BCL9: variants seen among roughly 807,000 people sequenced by gnomAD.
BCL9 encodes the protein B-cell CLL/lymphoma 9 protein.
Under a neutral mutation model 88.5 loss-of-function variants are expected in BCL9, and 25 were observed. That is an observed-to-expected ratio of 0.28 (90% CI 0.21 to 0.39). The LOEUF (loss-of-function observed/expected upper bound fraction) is 0.39. BCL9 is among the 10% of genes least tolerant of loss of function. BCL9 has a pLI of 1.00. For missense variants in BCL9, 1,817 were observed against 1,877.8 expected (o/e 0.97, Z 0.60); for synonymous variants, 711 against 673.3 (o/e 1.06, Z -0.87).
Position 147,624,146 on chromosome 1 carries a change from T to G in BCL9, c.3468T>G (p.Asn1156Lys), listed in dbSNP as rs1426428510. 1.9e-6 allele frequency: 3 copies of G among 1,594,574 alleles called. No individual in the cohort carries two copies. Among genetic ancestry groups the G allele is most frequent in the Non-Finnish European group, 1.7e-6 (2 of 1,168,706 alleles). ...CACAGCAGGTTCCATTCCCTCACAA[T>G]GGCCCCAGTGGGGGGCAGGGCAGCT... ...SPPQQVPFPH[N>K]GPSGGQGSFP... Residue 1156 changes from asparagine to lysine, a missense_variant, in exon 10 of 10, where the codon AAT becomes AAG. Coordinates refer to ENST00000234739, the MANE Select transcript of BCL9 (RefSeq NM_004326.4). This position sits in a 1 kb window ranked among gnomAD's most constrained non-coding sequence, Gnocchi z 4.4.
At chr1:147,562,431 C>T (rs1482041349) in intron 1 of BCL9, among the ~76,000 whole-genome samples, 5 of 152,118 alleles carry the variant, frequency 3.3e-5, no homozygotes, top group South Asian at 2.1e-4. Flanking sequence ...AGCCATTAAA[C>T]GTTCTTGAGC....
chr1:147,602,261 C>T (rs1657434602), intron 1 of BCL9, among the ~76,000 whole-genome samples: 1 of 149,332 alleles, frequency 6.7e-6, no homozygotes, highest in Admixed American at 6.7e-5. Flanking sequence ...GGCTGGAGTG[C>T]AGTGGCACGA....
Position 147,620,718 on chromosome 1 carries a change from G to T in BCL9, c.2563G>T (p.Val855Leu). 3 of 1,614,128 alleles carry T rather than the reference G, an allele frequency of 1.9e-6. No homozygotes were observed. The highest frequency in any genetic ancestry group is 2.5e-6 in the Non-Finnish European group (3 of 1,180,042). ...PLDISVAGSQ[V>L]HSPGINPLKS... ...GGATATATCTGTGGCAGGCAGCCAG[G>T]TGCATTCCCCAGGCATTAACCCTCT... Residue 855 changes from valine to leucine, a missense_variant, in exon 8 of 10, where the codon GTG (valine) becomes TTG (leucine). Transcript: ENST00000234739.
At chr1:147,595,581 G>A (rs1330448257) in intron 1 of BCL9, among the ~76,000 whole-genome samples, 1 of 152,190 alleles carries the variant, frequency 6.6e-6, no homozygotes, top group Non-Finnish European at 1.5e-5. Flanking sequence ...TGGGTTCACT[G>A]GTTTATGCCT....
chr1:147,599,751 T>A, intron 1 of BCL9, among the ~76,000 whole-genome samples: 1 of 138,018 alleles, frequency 7.2e-6, no homozygotes, highest in Non-Finnish European at 1.6e-5. Context: ...GTGCCGGCGG[T>A]GGGCGGGCCC....
At position 147,625,328 on chromosome 1, in the gene BCL9, CT is replaced by C; in HGVS notation, c.*370del. On this transcript the variant is annotated 3_prime_UTR_variant, in exon 10 of 10. Transcript: ENST00000234739. ...GACTGGCTTCTCCCAGGATTCTTTT[CT>C]GTTTTTGTTTTTTTGATTTGGGCTT... 3.8e-6 allele frequency: 1 copy of C among 265,956 alleles called. No homozygotes were observed. The highest frequency in any genetic ancestry group is 7.2e-6 in the Non-Finnish European group (1 of 137,976). The allele number at this position is 265,956 out of a possible 1,614,324, so 16.5% of individuals were successfully genotyped here.
chr1:147,606,953 G>A (rs974970134), intron 3 of BCL9, 87 bp downstream of exon 3: 23 of 152,372 alleles, frequency 1.5e-4, no homozygotes, highest in African/African-American at 5.3e-4. Flanking sequence ...TTTATTTAAC[G>A]ATTTTTTTTT....
At chr1:147,559,903 A>G (rs1345167741) in intron 1 of BCL9, among the ~76,000 whole-genome samples, 2 of 152,310 alleles carry the variant, frequency 1.3e-5, no homozygotes, top group South Asian at 2.1e-4. Flanking sequence ...AAGGCCAGGA[A>G]CTAAGACCCA....
chr1:147,606,957 T>C (rs375435367), intron 3 of BCL9, 91 bp downstream of exon 3: 4 of 152,550 alleles, frequency 2.6e-5, no homozygotes, highest in Non-Finnish European at 4.4e-5. Flanking sequence ...TTTAACGATT[T>C]TTTTTTCTTT....
At chr1:147,567,410 CA>C (rs1175614939) in intron 1 of BCL9, among the ~76,000 whole-genome samples, 1 of 152,114 alleles carries the variant, frequency 6.6e-6, no homozygotes, top group Admixed American at 6.5e-5. Flanking sequence ...CTGCTTTGTA[CA>C]ATTGTAGATA....
chr1:147,608,887 G>A (rs1657863993), intron 3 of BCL9, among the ~76,000 whole-genome samples: 1 of 152,212 alleles, frequency 6.6e-6, no homozygotes, highest in Non-Finnish European at 1.5e-5. Flanking sequence ...TGGCCAGAGT[G>A]CTGGTTAAAT....
rs587634215 is a variant in BCL9, at chr1:147,547,342, T to C, written c.-478+5668T>C. ...CATCTCTATGAGTAATTCCAAGCAC[T>C]ATTCATTTGAAATTGGTTAAACCTT... On this transcript the variant is annotated intron_variant, in intron 1 of 9. Transcript: ENST00000234739. Among the ~76,000 whole-genome samples, 10 of 152,324 alleles carry C rather than the reference T, an allele frequency of 6.6e-5. 1 individual carries two copies. In the East Asian group the frequency reaches 1.9e-3, roughly 29 times the overall value.
intron 1 of BCL9, among the ~76,000 whole-genome samples, chr1:147,547,003 T>A (rs1553194324): frequency 9.6e-3 from 1 of 104 alleles, no homozygotes; most frequent in Non-Finnish European, 0.021. Context: ...AAAAATCGTG[T>A]TTTTTTTTAT....
chr1:147,578,078 C>T (rs17160461), intron 1 of BCL9, among the ~76,000 whole-genome samples: 12,046 of 152,212 alleles, frequency 0.079, 605 homozygotes, highest in East Asian at 0.22. Flanking sequence ...AGGAATAGCT[C>T]TTCATGGGCC....
chr1:147,578,429 C>CT (rs778925600), intron 1 of BCL9, among the ~76,000 whole-genome samples: 1 of 152,080 alleles, frequency 6.6e-6, no homozygotes, highest in Non-Finnish European at 1.5e-5. Flanking sequence ...TACCTTGATG[C>CT]TATGTGTATA....
intron 4 of BCL9, 63 bp downstream of exon 4, chr1:147,611,952 C>T: frequency 6.8e-7 from 1 of 1,479,220 alleles, no homozygotes; most frequent in Non-Finnish European, 9.4e-7. Flanking sequence ...ACATCATGAA[C>T]ACTCATTGGT....
intron 1 of BCL9, among the ~76,000 whole-genome samples, chr1:147,591,235 T>A (rs587742086): frequency 6.6e-6 from 1 of 152,322 alleles, no homozygotes; most frequent in African/African-American, 2.4e-5. Context: ...TTAAAAAAAA[T>A]AACTCAGTGT....
intron 1 of BCL9, among the ~76,000 whole-genome samples, chr1:147,591,012 T>G (rs1553199844): frequency 6.6e-6 from 1 of 152,210 alleles, no homozygotes; most frequent in Non-Finnish European, 1.5e-5. Context: ...AGAAAGGCAG[T>G]GCAGGATAGC....
At chr1:147,621,149 C>A in intron 8 of BCL9, 92 bp downstream of exon 8, 5 of 1,335,120 alleles carry the variant, frequency 3.7e-6, no homozygotes, top group Non-Finnish European at 5.1e-6. Flanking sequence ...CTTGAGTACA[C>A]AGACAGAGGA....
Sources: gnomAD v4.1 joint callset for allele counts (sites outside exome capture counted in the v4.1 genomes callset) on GRCh38, gnomAD v4.1.1 for gene constraint, Gnocchi (gnomAD v3.1) non-coding constraint, MANE v1.5 for transcripts, NCBI Gene and HGNC (gene_info 2026-07-23, HGNC 2026-07-21) for gene names.